SIPA1L2: variants seen among roughly 807,000 people sequenced by gnomAD.
SIPA1L2 encodes signal-induced proliferation-associated 1-like protein 2.
SIPA1L2 carries 56 observed loss-of-function variants against 163.9 expected under a neutral mutation model. That is an observed-to-expected ratio of 0.34 (90% CI 0.28 to 0.43). The LOEUF (loss-of-function observed/expected upper bound fraction) is 0.43. SIPA1L2 is among the 20% of genes least tolerant of loss of function. SIPA1L2 has a pLI of 1.00. For synonymous variants in SIPA1L2, 877 were observed against 865.7 expected (o/e 1.01, Z -0.23); for missense variants, 1,974 against 2,193.5 (o/e 0.90, Z 2.00).
At chr1:232,607,973 C>A (rs563907988) in intron 1 of SIPA1L2, among the ~76,000 whole-genome samples, 1 of 145,144 alleles carries the variant, frequency 6.9e-6, no homozygotes, top group Non-Finnish European at 1.5e-5. Context: ...GAAAATCACT[C>A]GAACTGGGGA....
intron 19 of SIPA1L2, among the ~76,000 whole-genome samples, chr1:232,405,241 T>C (rs570897079): frequency 7.9e-5 from 12 of 152,224 alleles, no homozygotes; most frequent in African/African-American, 1.4e-4. Context: ...CAGCTACTGA[T>C]TGCATTAAGA....
At position 232,469,037 on chromosome 1, in the gene SIPA1L2, G is replaced by A. The variant is rs1269963988; in HGVS notation, c.2243+2334C>T. The stretch of plus-strand genomic sequence containing the variant: ...TCATGGGGGAGGCCTGACTCCCTCT[G>A]TAGGGTGGGAGTGTGGTCTTCTGCT... On this transcript the variant is annotated intron_variant, in intron 8 of 22. Transcript: ENST00000674635. Among the ~76,000 whole-genome samples, 4 of 152,280 alleles carry A rather than the reference G, an allele frequency of 2.6e-5. No homozygotes were observed. In the East Asian group the frequency reaches 7.7e-4, roughly 29 times the overall value.
intron 2 of SIPA1L2, among the ~76,000 whole-genome samples, chr1:232,532,024 C>A (rs1656995817): frequency 6.6e-6 from 1 of 152,124 alleles, no homozygotes; most frequent in Non-Finnish European, 1.5e-5. Context: ...TCATTCTGGA[C>A]AGTTCTAAGC....
intron 2 of SIPA1L2, among the ~76,000 whole-genome samples, chr1:232,556,143 T>C (rs1385885628): frequency 6.6e-6 from 1 of 152,196 alleles, no homozygotes; most frequent in Non-Finnish European, 1.5e-5. Flanking sequence ...TTAAAGAAGT[T>C]TAATGTGTAC....
intron 5 of SIPA1L2, among the ~76,000 whole-genome samples, chr1:232,489,176 A>G (rs1665799531): frequency 6.6e-6 from 1 of 152,196 alleles, no homozygotes; most frequent in African/African-American, 2.4e-5. Context: ...GGGAGAACTG[A>G]CATATCCTAC....
intron 1 of SIPA1L2, among the ~76,000 whole-genome samples, chr1:232,619,301 CCA>C (rs1662671213): frequency 6.6e-6 from 1 of 152,230 alleles, no homozygotes; most frequent in Non-Finnish European, 1.5e-5. Flanking sequence ...TCTCAGCTAA[CCA>C]CACAGTCTTT....
chr1:232,460,309 C>T (rs1292825488), intron 10 of SIPA1L2, among the ~76,000 whole-genome samples: 5 of 152,194 alleles, frequency 3.3e-5, no homozygotes, highest in South Asian at 4.1e-4. Context: ...CAAGTCTAGC[C>T]GTTCCTTTTC....
intron 2 of SIPA1L2, among the ~76,000 whole-genome samples, chr1:232,528,349 C>A (rs7553520): frequency 2.6e-5 from 4 of 151,924 alleles, no homozygotes; most frequent in African/African-American, 9.7e-5. Flanking sequence ...ACTGTGTTTC[C>A]AGAGAATCAG....
At chr1:232,570,185 A>C (rs1434140453) in intron 2 of SIPA1L2, among the ~76,000 whole-genome samples, 1 of 152,232 alleles carries the variant, frequency 6.6e-6, no homozygotes, top group Non-Finnish European at 1.5e-5. Flanking sequence ...AGCTCAGCCC[A>C]AACTTGTCTC....
chr1:232,456,227 A>T (rs1663909868), intron 10 of SIPA1L2, among the ~76,000 whole-genome samples: 1 of 152,192 alleles, frequency 6.6e-6, no homozygotes, highest in Non-Finnish European at 1.5e-5. Flanking sequence ...TTATATATGT[A>T]TGTGTGTAGA....
intron 2 of SIPA1L2, among the ~76,000 whole-genome samples, chr1:232,555,254 C>T (rs1423523094): frequency 1.3e-5 from 2 of 152,222 alleles, no homozygotes; most frequent in Non-Finnish European, 2.9e-5. Flanking sequence ...AACAATTCAC[C>T]TCCACCGGTA....
chr1:232,608,438 G>A (rs2102869739), intron 1 of SIPA1L2, among the ~76,000 whole-genome samples: 1 of 152,298 alleles, frequency 6.6e-6, no homozygotes, highest in East Asian at 1.9e-4. Context: ...GACTGCTGCA[G>A]AGGAAAGACC....
chr1:232,515,547 G>A lies in SIPA1L2; in HGVS notation c.-208C>T, dbSNP rs1270356695. The A allele has an allele frequency of 1.4e-5, 7 of 509,358 alleles. No individual in the cohort carries two copies. The highest frequency in any genetic ancestry group is 3.7e-5 in the Admixed American group (1 of 26,738). 31.6% of individuals were successfully genotyped at this position (509,358 alleles called of 1,614,324 possible). ...CTCTGTTGTCGTAATAATGTTGTAC[G>A]CCTCTGTTCTTTTCAAAAGCATTCC... On this transcript the variant is annotated 5_prime_UTR_variant, in exon 3 of 23. Transcript: ENST00000674635.
At chr1:232,476,342 G>A (rs1312183615) in intron 7 of SIPA1L2, among the ~76,000 whole-genome samples, 2 of 152,068 alleles carry the variant, frequency 1.3e-5, no homozygotes, top group Admixed American at 6.5e-5. Context: ...GAGGCGTCAG[G>A]TACCCCTTCC....
intron 1 of SIPA1L2, among the ~76,000 whole-genome samples, chr1:232,602,538 C>T (rs968950622): frequency 1.3e-5 from 2 of 152,218 alleles, no homozygotes; most frequent in African/African-American, 2.4e-5. Flanking sequence ...ACCATCTTGG[C>T]CAGGCTGGTC....
chr1:232,619,021 T>G (rs1271804383), intron 1 of SIPA1L2, among the ~76,000 whole-genome samples: 3 of 152,232 alleles, frequency 2.0e-5, no homozygotes, highest in African/African-American at 7.2e-5. Flanking sequence ...ATGTTGCTTT[T>G]GTTAATAAAA....
chr1:232,409,239 C>T (rs188630621), intron 19 of SIPA1L2, among the ~76,000 whole-genome samples: 40 of 152,262 alleles, frequency 2.6e-4, no homozygotes, highest in African/African-American at 2.2e-4. Flanking sequence ...CAGGAAGCAC[C>T]GTCATCTTTA....
intron 1 of SIPA1L2, among the ~76,000 whole-genome samples, chr1:232,628,389 T>G (rs1573198444): frequency 6.6e-6 from 1 of 152,226 alleles, no homozygotes; most frequent in African/African-American, 2.4e-5. Context: ...TTCTCATGAA[T>G]AATACTCTCT....
In SIPA1L2 at chr1:232,433,834, A is replaced by G. The variant is rs1175472825; in HGVS notation, c.4032-1363T>C. ...TCAGCAAACTTGACACGTGAGTGCA[A>G]TGCGAGGATTCCGGGTCTCAACATC... On this transcript the variant is annotated intron_variant, in intron 15 of 22. Coordinates refer to ENST00000674635, the MANE Select transcript of SIPA1L2 (RefSeq NM_020808.5). 2.6e-5 allele frequency among the ~76,000 whole-genome samples: 4 copies of G among 152,210 alleles called. No homozygotes were observed. In the East Asian group the frequency reaches 5.8e-4, roughly 22 times the overall value.
Sources: gnomAD v4.1 joint callset for allele counts (sites outside exome capture counted in the v4.1 genomes callset) on GRCh38, gnomAD v4.1.1 for gene constraint, MANE v1.5 for transcripts, NCBI Gene and HGNC (gene_info 2026-07-23, HGNC 2026-07-21) for gene names.